MRLN: variants seen among roughly 807,000 people sequenced by gnomAD.
MRLN encodes the protein myoregulin.
At chr10:59,744,634 G>T (rs1841024153) in intron 1 of MRLN, among the ~76,000 whole-genome samples, 1 of 152,204 alleles carries the variant, frequency 6.6e-6, no homozygotes, top group Admixed American at 6.5e-5. Context: ...TTGAAAACGG[G>T]CCATGATGAA....
intron 1 of MRLN, among the ~76,000 whole-genome samples, chr10:59,740,465 C>T (rs1840970439): frequency 2.0e-5 from 3 of 151,992 alleles, no homozygotes; most frequent in African/African-American, 7.3e-5. Flanking sequence ...TGCTATTGTC[C>T]CTGAAGACCT....
chr10:59,743,200 A>G (rs1048128701), intron 1 of MRLN, among the ~76,000 whole-genome samples: 4 of 144,532 alleles, frequency 2.8e-5, no homozygotes, highest in African/African-American at 7.7e-5. Context: ...TCTCACTGCC[A>G]CCCGCCCCCG....
chr10:59,740,031 C>T (rs2132586916), intron 1 of MRLN, among the ~76,000 whole-genome samples: 1 of 151,474 alleles, frequency 6.6e-6, no homozygotes, highest in Middle Eastern at 3.4e-3. Flanking sequence ...GTGGAGGCTG[C>T]AGTGAGCTGA....
intron 1 of MRLN, among the ~76,000 whole-genome samples, chr10:59,742,659 C>T (rs780066488): frequency 6.8e-6 from 1 of 146,274 alleles, no homozygotes; most frequent in Non-Finnish European, 1.5e-5. Flanking sequence ...TCCTTCCTTC[C>T]TTCCTTCCCT....
In MRLN at chr10:59,738,492, G is replaced by T. The variant is rs1840946992; in HGVS notation, c.-54C>A. On this transcript the variant is annotated 5_prime_UTR_variant, in exon 2 of 3. Coordinates refer to ENST00000414264, the MANE Select transcript of MRLN (RefSeq NM_001304731.2). Reference sequence around the variant, plus strand: ...ATCCCAGGTAGTGGTAGGTAACACGGCTTCTCAGTTTTCTGCTCTTGCCAG... The same window carrying T: ...ATCCCAGGTAGTGGTAGGTAACACGTCTTCTCAGTTTTCTGCTCTTGCCAG... The T allele has an allele frequency of 6.6e-6, 1 of 152,214 alleles. No individual in the cohort carries two copies. The highest frequency in any genetic ancestry group is 1.5e-5 in the Non-Finnish European group (1 of 68,046). 9.4% of individuals were successfully genotyped at this position (152,214 alleles called of 1,614,324 possible). A position where few individuals can be genotyped will look rare whatever the true frequency, so the allele number is the denominator to read the frequency against.
At chr10:59,742,083 A>G (rs1840989880) in intron 1 of MRLN, among the ~76,000 whole-genome samples, 2 of 151,990 alleles carry the variant, frequency 1.3e-5, no homozygotes, top group African/African-American at 4.8e-5. Flanking sequence ...CACCCATTAC[A>G]CTCCTAAGTG....
At chr10:59,751,433 G>C (rs193291019) in intron 1 of MRLN, among the ~76,000 whole-genome samples, 1 of 151,960 alleles carries the variant, frequency 6.6e-6, no homozygotes. Context: ...AGACCAAGGC[G>C]GTGGTTCACT....
intron 1 of MRLN, among the ~76,000 whole-genome samples, chr10:59,746,805 T>C (rs988306258): frequency 4.6e-5 from 7 of 152,208 alleles, no homozygotes; most frequent in Admixed American, 1.3e-4. Context: ...TAGCTGAAAG[T>C]ACAGTTTTTT....
intron 1 of MRLN, among the ~76,000 whole-genome samples, chr10:59,745,881 T>C (rs990424724): frequency 1.3e-5 from 2 of 152,038 alleles, no homozygotes; most frequent in African/African-American, 2.4e-5. Context: ...ATTTTCTAAA[T>C]GGCTTGGTCC....
At chr10:59,745,633 T>C (rs930039791) in intron 1 of MRLN, among the ~76,000 whole-genome samples, 4 of 149,378 alleles carry the variant, frequency 2.7e-5, no homozygotes, top group African/African-American at 1.0e-4. Flanking sequence ...AAGTTTTTAT[T>C]TCTTCCTTTG....
chr10:59,738,228 T>C (rs1461820115), intron 2 of MRLN: 1 of 152,192 alleles, frequency 6.6e-6, no homozygotes, highest in African/African-American at 2.4e-5. Context: ...ATGCAACAAT[T>C]CCTTTTGCCT....
chr10:59,748,613 C>T lies in MRLN; in HGVS notation c.-125+4741G>A, dbSNP rs567441185. On this transcript the variant is annotated intron_variant, in intron 1 of 2. Coordinates refer to ENST00000414264, the MANE Select transcript of MRLN (RefSeq NM_001304731.2). Reference sequence around the variant, plus strand: ...AAGGGGGAAAGACTGGAAATACTAACGAAATGTTGGTATAGAAAAGATATT... The same window carrying T: ...AAGGGGGAAAGACTGGAAATACTAATGAAATGTTGGTATAGAAAAGATATT... 1.8e-4 allele frequency among the ~76,000 whole-genome samples: 27 copies of T among 152,258 alleles called. No individual in the cohort carries two copies. In the South Asian group the frequency reaches 4.1e-3, roughly 23 times the overall value.
At chr10:59,752,888 AG>A (rs71467078) in intron 1 of MRLN, among the ~76,000 whole-genome samples, 1 of 152,172 alleles carries the variant, frequency 6.6e-6, no homozygotes, top group Admixed American at 6.5e-5. Flanking sequence ...ACCTATAACA[AG>A]GGGGAAAAAA....
intron 1 of MRLN, chr10:59,739,492 C>T (rs1270803028): frequency 6.6e-6 from 1 of 152,142 alleles, no homozygotes; most frequent in Admixed American, 6.5e-5. Context: ...AGCTGTTATG[C>T]TGTATTGTAT....
At chr10:59,740,378 G>A (rs1209991399) in intron 1 of MRLN, among the ~76,000 whole-genome samples, 1 of 152,066 alleles carries the variant, frequency 6.6e-6, no homozygotes, top group Non-Finnish European at 1.5e-5. Context: ...AAAGTTAACT[G>A]TAAAACAGCC....
intron 1 of MRLN, among the ~76,000 whole-genome samples, chr10:59,751,049 C>A (rs529014636): frequency 6.6e-6 from 1 of 152,182 alleles, no homozygotes; most frequent in Non-Finnish European, 1.5e-5. Context: ...AAACTGCCTA[C>A]TTGGCCTGCA....
chr10:59,752,648 A>G (rs1433348765), intron 1 of MRLN, among the ~76,000 whole-genome samples: 1 of 152,242 alleles, frequency 6.6e-6, no homozygotes, highest in Non-Finnish European at 1.5e-5. Context: ...GTGGTCTTGA[A>G]GAAGGATTGG....
In MRLN at chr10:59,750,830, G is replaced by A. The variant is rs563929205; in HGVS notation, c.-125+2524C>T. 3.9e-5 allele frequency among the ~76,000 whole-genome samples: 6 copies of A among 152,334 alleles called. No homozygotes were observed. In the East Asian group the frequency reaches 1.2e-3, roughly 29 times the overall value. ...CGGTGCCAGCAGACACTTGTCCTTT[G>A]AGTGGTGCGAGGATGCAGAAATGGG... is the stretch of plus-strand genomic sequence containing the variant. On this transcript the variant is annotated intron_variant, in intron 1 of 2. Transcript: ENST00000414264.
chr10:59,737,482 T>C (rs1212533453), intron 2 of MRLN, among the ~76,000 whole-genome samples: 1 of 152,128 alleles, frequency 6.6e-6, no homozygotes, highest in Admixed American at 6.5e-5. Context: ...ACTTTCATAG[T>C]GGCCATTCCC....
Sources: allele counts gnomAD v4.1 joint callset (sites outside exome capture counted in the v4.1 genomes callset), GRCh38; gene constraint gnomAD v4.1.1; transcripts MANE v1.5; gene names NCBI Gene and HGNC (gene_info 2026-07-23, HGNC 2026-07-21).